Variants in CARHSP1 observed in about 807,000 individuals in gnomAD.
CARHSP1 encodes calcium regulated heat stable protein 1.
CARHSP1 carries 14 observed loss-of-function variants against 12.5 expected under a neutral mutation model. The ratio of observed to expected loss-of-function variants is 1.12; its 90% CI spans 0.74 to 1.75. CARHSP1 has a LOEUF of 1.75. CARHSP1 is among the 40% of genes most tolerant of loss of function. The pLI is 0.00. For synonymous variants in CARHSP1, 161 were observed against 82.0 expected (o/e 1.96, Z -5.20); for missense variants, 343 against 201.6 (o/e 1.70, Z -4.25).
chr16:8,864,064 C>T (rs971042963), intron 1 of CARHSP1, among the ~76,000 whole-genome samples: 9 of 152,214 alleles, frequency 5.9e-5, no homozygotes, highest in African/African-American at 1.9e-4. Context: ...TGGCCTGCAA[C>T]AAACTTCGAC....
rs2061046155 is a variant in CARHSP1, at chr16:8,854,888, C to T, written c.*276G>A. On this transcript the variant is annotated 3_prime_UTR_variant, in exon 4 of 4. Coordinates refer to ENST00000311052, the MANE Select transcript of CARHSP1 (RefSeq NM_014316.4). Reference sequence around the variant, plus strand: ...ACTCCCTGGGATGGGGTTGGAACCTCCACTCAGCCACCAGTGGGCACCTCT... The same window carrying T: ...ACTCCCTGGGATGGGGTTGGAACCTTCACTCAGCCACCAGTGGGCACCTCT... The T allele has an allele frequency of 3.5e-6, 1 of 288,130 alleles. No homozygotes were observed. The highest frequency in any genetic ancestry group is 6.4e-6 in the Non-Finnish European group (1 of 155,838). 17.8% of individuals were successfully genotyped at this position (288,130 alleles called of 1,614,324 possible). A position where few individuals can be genotyped will look rare whatever the true frequency, so the allele number is the denominator to read the frequency against.
At chr16:8,861,539 GGGATGCCCCATCCCTGAA>G in intron 1 of CARHSP1, 1 of 1,150,872 alleles carries the variant, frequency 8.7e-7, no homozygotes, top group South Asian at 1.3e-5. Flanking sequence ...CAGAGGAGAA[GGGATGCCCCATCCCTGAA>G]ATGTCAGAAC....
At chr16:8,868,224 G>C (rs967736356) in intron 1 of CARHSP1, 1 of 152,248 alleles carries the variant, frequency 6.6e-6, no homozygotes, top group African/African-American at 2.4e-5. Flanking sequence ...GGACGTCTCC[G>C]CCTCCCCCAG....
chr16:8,857,615 C>G (rs6498178), intron 3 of CARHSP1: 137,531 of 140,318 alleles, frequency 0.98, 67,451 homozygotes, highest in South Asian at 1. Context: ...TTGAAATGGA[C>G]TTTCACCCTT....
chr16:8,854,921 A>G lies in CARHSP1; in HGVS notation c.*243T>C, dbSNP rs922111740. The G allele has an allele frequency of 2.8e-6, 1 of 355,920 alleles. No homozygotes were observed. The highest frequency in any genetic ancestry group is 5.0e-6 in the Non-Finnish European group (1 of 199,174). The allele number at this position is 355,920 out of a possible 1,614,324, so 22.0% of individuals were successfully genotyped here. A position where few individuals can be genotyped will look rare whatever the true frequency, so the allele number is the denominator to read the frequency against. ...CCACCAGTGGGCACCTCTCCTTTTTAAATGCTTTTAATGCTCTTCAGATGG... is the reference window on the plus strand; with the variant it reads ...CCACCAGTGGGCACCTCTCCTTTTTGAATGCTTTTAATGCTCTTCAGATGG... On this transcript the variant is annotated 3_prime_UTR_variant, in exon 4 of 4. Coordinates refer to ENST00000311052, the MANE Select transcript of CARHSP1 (RefSeq NM_014316.4).
chr16:8,864,845 C>T lies in CARHSP1; in HGVS notation c.-8+4121G>A, dbSNP rs79545076. On this transcript the variant is annotated intron_variant, in intron 1 of 3. Coordinates refer to ENST00000311052, the MANE Select transcript of CARHSP1 (RefSeq NM_014316.4). ...GGAATTTTCCGTAGGCTCTGCAGCTCCTCCTGGAAGGTTCTGGAGTTCAGC... is the reference window on the plus strand; with the variant it reads ...GGAATTTTCCGTAGGCTCTGCAGCTTCTCCTGGAAGGTTCTGGAGTTCAGC... Among the ~76,000 whole-genome samples the T allele has an allele frequency of 1.2e-4, 19 of 152,328 alleles. No homozygotes were observed. In the East Asian group the frequency reaches 3.3e-3, roughly 26 times the overall value.
chr16:8,860,148 A>G, intron 1 of CARHSP1: 1 of 985,452 alleles, frequency 1.0e-6, no homozygotes, highest in Non-Finnish European at 1.2e-6. Flanking sequence ...AACACGTCGC[A>G]GAGAGCTCAA....
At position 8,857,291 on chromosome 16, in the gene CARHSP1, T is replaced by TTTG. The variant is rs2061163895; in HGVS notation, c.281+1058_281+1059insCAA. On this transcript the variant is annotated intron_variant, in intron 3 of 3. Coordinates refer to ENST00000311052, the MANE Select transcript of CARHSP1 (RefSeq NM_014316.4). ...TTTTTTTTTTTTTTTTTTTTTTTTT[T>TTTG]TTTTTTTTGAGATGGAGTTTTGCTC... Among the ~76,000 whole-genome samples the TTTG allele has an allele frequency of 2.1e-4, 20 of 93,240 alleles. 2 individuals carry two copies. In the Admixed American group the frequency reaches 2.4e-3, roughly 11 times the overall value. 61.2% of individuals were successfully genotyped at this position (93,240 alleles called of 152,430 possible).
intron 1 of CARHSP1, 48 bp downstream of exon 1, chr16:8,868,918 C>T (rs2061488440): frequency 6.6e-6 from 1 of 152,080 alleles, no homozygotes; most frequent in Admixed American, 6.5e-5. Flanking sequence ...CTCCCGGGGC[C>T]GCGGGCCAGG....
intron 1 of CARHSP1, among the ~76,000 whole-genome samples, chr16:8,864,689 C>A (rs542397109): frequency 6.6e-6 from 1 of 152,208 alleles, no homozygotes; most frequent in African/African-American, 2.4e-5. Flanking sequence ...CAGTCAGCCC[C>A]CAGGCTCTGA....
intron 3 of CARHSP1, among the ~76,000 whole-genome samples, chr16:8,857,145 C>G (rs1051827388): frequency 1.3e-5 from 2 of 152,158 alleles, no homozygotes; most frequent in African/African-American, 4.8e-5. Flanking sequence ...CCAGCAGTCC[C>G]TGCTGCTCAC....
intron 3 of CARHSP1, among the ~76,000 whole-genome samples, chr16:8,857,276 T>TTG (rs2061158135): frequency 2.0e-5 from 2 of 102,056 alleles, no homozygotes; most frequent in African/African-American, 9.7e-5. Context: ...TTTTTTTTTT[T>TTG]TTTTTTTTTT....
Position 8,853,284 on chromosome 16 carries a change from C to G in CARHSP1, c.*1880G>C, listed in dbSNP as rs949832362. On this transcript the variant is annotated 3_prime_UTR_variant, in exon 4 of 4. Coordinates refer to ENST00000311052, the MANE Select transcript of CARHSP1 (RefSeq NM_014316.4). ...CGGGTCTTGGCTGTGGAAGTGTGGA[C>G]TGTACCAGCAGATGGGCCCTTGGGA... 6.6e-6 allele frequency: 1 copy of G among 152,192 alleles called. No homozygotes were observed. The highest frequency in any genetic ancestry group is 2.1e-4 in the South Asian group (1 of 4,826). The allele number at this position is 152,192 out of a possible 1,614,324, so 9.4% of individuals were successfully genotyped here. A position where few individuals can be genotyped will look rare whatever the true frequency, so the allele number is the denominator to read the frequency against.
chr16:8,866,625 G>A, intron 1 of CARHSP1: 1 of 186,912 alleles, frequency 5.4e-6, no homozygotes, highest in Non-Finnish European at 1.0e-5. Context: ...AGCAGCGTCA[G>A]GCTGGCCTAG....
chr16:8,865,990 G>GT lies in CARHSP1; in HGVS notation c.-8+2975dup, dbSNP rs532976244. Among the ~76,000 whole-genome samples the GT allele has an allele frequency of 3.3e-5, 5 of 152,194 alleles. No homozygotes were observed. The South Asian group carries it at 1.0e-3, about 32-fold the overall frequency. ...TTTTTTTGAGACAGGGTCTTGCTTT[G>GT]TTACCCAGGCTGGAGTTTGGTGGCA... On this transcript the variant is annotated intron_variant, in intron 1 of 3. Coordinates refer to ENST00000311052, the MANE Select transcript of CARHSP1 (RefSeq NM_014316.4).
At position 8,858,441 on chromosome 16, in the gene CARHSP1, T is replaced by C; in HGVS notation, c.190A>G (p.Lys64Glu). The C allele has an allele frequency of 6.2e-7, 1 of 1,613,978 alleles. No homozygotes were observed. Among genetic ancestry groups the C allele is most frequent in the Non-Finnish European group, 8.5e-7 (1 of 1,180,000 alleles). The change falls in exon 3 of 4, where the codon AAA (lysine) becomes GAA (glutamate). Residue 64 changes from lysine to glutamate, a missense_variant. Coordinates refer to ENST00000311052, the MANE Select transcript of CARHSP1 (RefSeq NM_014316.4). ...TVRASQGPVY[K>E]GVCKCFCRSK... ...CGGCAGAAGCATTTGCAGACTCCTT[T>C]GTAGACGGGGCCCTGTGAAGCCCGC...
At position 8,854,942 on chromosome 16, in the gene CARHSP1, G is replaced by T; in HGVS notation, c.*222C>A. 1 of 396,722 alleles carries T rather than the reference G, an allele frequency of 2.5e-6. No individual in the cohort carries two copies. Among genetic ancestry groups the T allele is most frequent in the South Asian group, 1.0e-4 (1 of 9,636 alleles). The allele number at this position is 396,722 out of a possible 1,614,324, so 24.6% of individuals were successfully genotyped here. A position where few individuals can be genotyped will look rare whatever the true frequency, so the allele number is the denominator to read the frequency against. On this transcript the variant is annotated 3_prime_UTR_variant, in exon 4 of 4. Coordinates refer to ENST00000311052, the MANE Select transcript of CARHSP1 (RefSeq NM_014316.4). ...TTTTAAATGCTTTTAATGCTCTTCA[G>T]ATGGTGAGAGGTTGTTGCAATGGTC...
rs1002688621 is a variant in CARHSP1, at chr16:8,858,536, A to C, written c.159-64T>G. ...CTCCTGGGCACACAAAGCTCATTCC[A>C]GCCCCTGCCCACAGCTGTGCCCCAT... On this transcript the variant is annotated intron_variant, in intron 2 of 3. Coordinates refer to ENST00000311052, the MANE Select transcript of CARHSP1 (RefSeq NM_014316.4). 4 of 1,584,966 alleles carry C rather than the reference A, an allele frequency of 2.5e-6. No individual in the cohort carries two copies. The African/African-American group carries it at 4.0e-5, about 16-fold the overall frequency.
Position 8,853,961 on chromosome 16 carries a change from C to T in CARHSP1, c.*1203G>A, listed in dbSNP as rs1467810277. The T allele has an allele frequency of 6.6e-6, 1 of 152,244 alleles. No homozygotes were observed. The highest frequency in any genetic ancestry group is 1.5e-5 in the Non-Finnish European group (1 of 68,092). 9.4% of individuals were successfully genotyped at this position (152,244 alleles called of 1,614,324 possible). A position where few individuals can be genotyped will look rare whatever the true frequency, so the allele number is the denominator to read the frequency against. Reference sequence around the variant, plus strand: ...ATTAACCGGGTGTGGTGGCGCATGCCTGTAATCCCAGCTACTCAGGAGACT... The same window carrying T: ...ATTAACCGGGTGTGGTGGCGCATGCTTGTAATCCCAGCTACTCAGGAGACT... On this transcript the variant is annotated 3_prime_UTR_variant, in exon 4 of 4. Transcript: ENST00000311052.
Sources: gnomAD v4.1 joint callset for allele counts (sites outside exome capture counted in the v4.1 genomes callset) on GRCh38, gnomAD v4.1.1 for gene constraint, MANE v1.5 for transcripts, NCBI Gene and HGNC (gene_info 2026-07-23, HGNC 2026-07-21) for gene names.